DEPTOR: variants seen among roughly 807,000 people sequenced by gnomAD.
DEPTOR encodes DEP domain containing MTOR interacting protein.
DEPTOR carries 41 observed loss-of-function variants against 41.6 expected under a neutral mutation model. The observed-to-expected ratio is 0.98, with a 90% CI of 0.77 to 1.28. The LOEUF is 1.28. DEPTOR is among the 50% of genes most tolerant of loss of function. The pLI, the probability that DEPTOR is intolerant of heterozygous loss-of-function variation, is 0.00. For synonymous variants in DEPTOR, 195 were observed against 192.3 expected, an observed-to-expected ratio of 1.01 and a Z score of -0.12; for missense variants, 514 against 527.9, an observed-to-expected ratio of 0.97 and a Z score of 0.26.
At chr8:119,981,736 G>C (rs1252020727) in intron 4 of DEPTOR, among the ~76,000 whole-genome samples, 2 of 151,812 alleles carry the variant, frequency 1.3e-5, no homozygotes, top group East Asian at 3.9e-4. Flanking sequence ...TAGTCTTCAG[G>C]CTGGGCGTGA....
intron 4 of DEPTOR, among the ~76,000 whole-genome samples, chr8:119,966,302 T>C (rs747006622): frequency 3.3e-5 from 5 of 152,004 alleles, no homozygotes; most frequent in Non-Finnish European, 5.9e-5. Context: ...CCATCTCTAC[T>C]AAAAAATACA....
chr8:119,910,953 G>GTGTATGTTTGTGTA (rs1827728372), intron 1 of DEPTOR, among the ~76,000 whole-genome samples: 1 of 152,158 alleles, frequency 6.6e-6, no homozygotes, highest in Non-Finnish European at 1.5e-5. Flanking sequence ...GTGTGTGTGT[G>GTGTATGTTTGTGTA]TGTATGTTTG....
Position 120,001,590 on chromosome 8 carries a change from A to C in DEPTOR, c.670A>C (p.Arg224=). ...LYQFRMNFRR[R]RRLMELLNEK... The stretch of plus-strand genomic sequence containing the variant: ...CCAGTTCAGAATGAACTTCCGGCGG[A>C]GGCGAAGACTGATGGAGCTGCTCAA... The change falls in exon 5 of 9, where the codon AGG becomes CGG. Residue 224 remains arginine, a synonymous_variant. Transcript: ENST00000286234. 1 of 1,613,602 alleles carries C rather than the reference A, an allele frequency of 6.2e-7. No homozygotes were observed.
intron 4 of DEPTOR, among the ~76,000 whole-genome samples, chr8:119,971,055 C>T (rs1035298440): frequency 2.6e-5 from 4 of 151,914 alleles, no homozygotes; most frequent in Admixed American, 6.6e-5. Flanking sequence ...ACGGTGAAAC[C>T]CCGTCTCTGC....
intron 5 of DEPTOR, 118 bp from the exon 6 acceptor site, chr8:120,002,859 C>A: frequency 1.8e-6 from 2 of 1,081,896 alleles, no homozygotes; most frequent in Non-Finnish European, 2.4e-6. Context: ...TGTTTTTCTG[C>A]CACTAAGACC....
At chr8:120,037,709 G>A (rs749322337) in intron 8 of DEPTOR, among the ~76,000 whole-genome samples, 3 of 152,124 alleles carry the variant, frequency 2.0e-5, no homozygotes, top group Admixed American at 2.0e-4. Context: ...TTCTCCTCTA[G>A]GTTGTAATAA....
chr8:120,032,692 A>G (rs564007277), intron 8 of DEPTOR, among the ~76,000 whole-genome samples: 5 of 152,302 alleles, frequency 3.3e-5, no homozygotes, highest in Non-Finnish European at 7.4e-5. Flanking sequence ...CCGAGCTGAA[A>G]TCCTTCAGCA....
At chr8:119,985,502 G>A (rs961984089) in intron 4 of DEPTOR, among the ~76,000 whole-genome samples, 5 of 152,104 alleles carry the variant, frequency 3.3e-5, no homozygotes, top group Non-Finnish European at 7.4e-5. Flanking sequence ...TCTGTAGGTT[G>A]CCTGTTCACT....
chr8:119,994,845 G>A (rs754548393), intron 4 of DEPTOR, among the ~76,000 whole-genome samples: 6 of 151,082 alleles, frequency 4.0e-5, no homozygotes, highest in South Asian at 2.1e-4. Flanking sequence ...TGAACTCAGC[G>A]GGTGGAGGTT....
chr8:120,022,775 A>G (rs1014287224), intron 8 of DEPTOR, among the ~76,000 whole-genome samples: 4 of 151,894 alleles, frequency 2.6e-5, no homozygotes, highest in Non-Finnish European at 5.9e-5. Context: ...GGCTCTAGCA[A>G]TCCTCCTGCC....
At chr8:119,916,014 C>G (rs544238878) in intron 1 of DEPTOR, among the ~76,000 whole-genome samples, 1 of 147,318 alleles carries the variant, frequency 6.8e-6, no homozygotes, top group Non-Finnish European at 1.5e-5. Flanking sequence ...CTGGCAAAAT[C>G]TGACTCTCAT....
intron 1 of DEPTOR, among the ~76,000 whole-genome samples, chr8:119,917,049 C>T (rs1607624): frequency 0.5 from 75,942 of 152,056 alleles, 20,651 homozygotes; most frequent in East Asian, 0.92. Flanking sequence ...GGATTATAGA[C>T]GTGAGCCATG....
chr8:119,874,156 C>T, intron 1 of DEPTOR, 188 bp downstream of exon 1: 1 of 919,732 alleles, frequency 1.1e-6, no homozygotes, highest in East Asian at 3.2e-5. Flanking sequence ...CCTGAGGACT[C>T]GCTCGCCAAG....
intron 8 of DEPTOR, among the ~76,000 whole-genome samples, chr8:120,030,496 A>ATTTTT (rs1812870115): frequency 3.2e-5 from 1 of 30,932 alleles, no homozygotes; most frequent in Non-Finnish European, 7.0e-5. Flanking sequence ...TAGGTTCATC[A>ATTTTT]GTTTTTTTTT....
At chr8:119,950,402 A>T (rs1828336854) in intron 3 of DEPTOR, among the ~76,000 whole-genome samples, 1 of 151,968 alleles carries the variant, frequency 6.6e-6, no homozygotes, top group Admixed American at 6.6e-5. Flanking sequence ...TTCTTTTTTT[A>T]AATTTAAATT....
At chr8:119,992,652 G>A (rs1356095852) in intron 4 of DEPTOR, among the ~76,000 whole-genome samples, 2 of 144,760 alleles carry the variant, frequency 1.4e-5, no homozygotes, top group East Asian at 2.0e-4. Flanking sequence ...GATAAGTAGA[G>A]TAAATTTTTT....
chr8:119,957,220 G>A (rs1828429072), intron 3 of DEPTOR, among the ~76,000 whole-genome samples: 1 of 152,172 alleles, frequency 6.6e-6, no homozygotes, highest in Non-Finnish European at 1.5e-5. Context: ...CTTGGATAAT[G>A]ATGTATAGCA....
At chr8:120,048,588 A>T (rs1813187196) in intron 8 of DEPTOR, among the ~76,000 whole-genome samples, 1 of 152,226 alleles carries the variant, frequency 6.6e-6, no homozygotes, top group Admixed American at 6.5e-5. Flanking sequence ...AGTGCAAAGT[A>T]TCAAGGTTTA....
intron 3 of DEPTOR, among the ~76,000 whole-genome samples, chr8:119,938,880 CCTCTCT>C (rs141789019): frequency 6.8e-6 from 1 of 147,330 alleles, no homozygotes; most frequent in Admixed American, 6.8e-5. Context: ...TCTGCCTTCC[CCTCTCT>C]CTCTCTTTCT....
Sources: allele counts gnomAD v4.1 joint callset (sites outside exome capture counted in the v4.1 genomes callset), GRCh38; gene constraint gnomAD v4.1.1; transcripts MANE v1.5; gene names NCBI Gene and HGNC (gene_info 2026-07-23, HGNC 2026-07-21).